OSBP2: variants seen among roughly 807,000 people sequenced by gnomAD.
The protein encoded by OSBP2 is oxysterol-binding protein 2.
OSBP2 carries 66 observed loss-of-function variants against 96.0 expected under a neutral mutation model. The observed-to-expected ratio is 0.69, with a 90% CI of 0.56 to 0.84. The LOEUF (loss-of-function observed/expected upper bound fraction) is 0.84, where lower values mean the gene tolerates loss of function less well. Among genes scored for constraint, OSBP2 ranks in the 40% least tolerant of loss-of-function variants. The probability of loss-of-function intolerance (pLI) is 0.00; values close to 1 mark genes in which losing one functional copy is unlikely to be tolerated. For synonymous variants in OSBP2, 525 were observed against 520.9 expected (o/e 1.01, Z -0.11); for missense variants, 1,038 against 1,222.7 (o/e 0.85, Z 2.25).
chr22:30,765,337 G>C (rs533999901), intron 2 of OSBP2, among the ~76,000 whole-genome samples: 17 of 152,236 alleles, frequency 1.1e-4, no homozygotes, highest in Non-Finnish European at 2.4e-4. Flanking sequence ...AGCCTCCCCA[G>C]TAGCTGGGAT....
chr22:30,822,425 C>T, intron 2 of OSBP2: 3 of 1,009,648 alleles, frequency 3.0e-6, no homozygotes, highest in Non-Finnish European at 2.6e-6. Flanking sequence ...AGGCTGGGCT[C>T]GGCTCCCGCG....
intron 2 of OSBP2, among the ~76,000 whole-genome samples, chr22:30,771,257 A>C (rs1174594270): frequency 6.6e-6 from 1 of 152,212 alleles, no homozygotes; most frequent in Non-Finnish European, 1.5e-5. Context: ...TGGTGGGCTC[A>C]GACCCTCCTC....
At chr22:30,701,881 G>C (rs534035721) in intron 1 of OSBP2, among the ~76,000 whole-genome samples, 1 of 152,310 alleles carries the variant, frequency 6.6e-6, no homozygotes, top group Non-Finnish European at 1.5e-5. Context: ...TTGATCATGT[G>C]TAAGCATTTG....
In OSBP2 at chr22:30,889,231, C is replaced by T; in HGVS notation, c.1473C>T (p.Asp491=). 3 of 1,612,360 alleles carry T rather than the reference C, an allele frequency of 1.9e-6. No individual in the cohort carries two copies. Among genetic ancestry groups the T allele is most frequent in the Non-Finnish European group, 2.5e-6 (3 of 1,179,592 alleles). The part of the protein sequence containing the change: ...GTSSVDWSSA[D]NVLDGASLVP... ...GTTCCGTGGACTGGAGCTCAGCAGA[C>T]AATGTAAGTGAGGGGGAGCACTGTA... The change falls in exon 6 of 14, where the codon GAC becomes GAT. Residue 491 remains aspartate, a synonymous_variant. Coordinates refer to ENST00000332585, the MANE Select transcript of OSBP2 (RefSeq NM_030758.4).
At chr22:30,858,493 G>T (rs1475937400) in intron 2 of OSBP2, among the ~76,000 whole-genome samples, 1 of 151,924 alleles carries the variant, frequency 6.6e-6, no homozygotes, top group Non-Finnish European at 1.5e-5. Context: ...AGGGGCAGCA[G>T]AAAGAAAAAC....
chr22:30,779,929 CA>C (rs2090493268), intron 2 of OSBP2, among the ~76,000 whole-genome samples: 1 of 152,218 alleles, frequency 6.6e-6, no homozygotes, highest in Admixed American at 6.5e-5. Context: ...TCTCTCCCCA[CA>C]GCTTGTCTTC....
intron 2 of OSBP2, among the ~76,000 whole-genome samples, chr22:30,825,291 C>T (rs1019751970): frequency 6.6e-6 from 1 of 152,126 alleles, no homozygotes; most frequent in Non-Finnish European, 1.5e-5. Flanking sequence ...AGTTCGAGAC[C>T]AGCCTGGCCA....
At chr22:30,889,020 ATGT>A (rs1026548421) in intron 5 of OSBP2, among the ~76,000 whole-genome samples, 154 bp from the exon 6 acceptor site, 5 of 152,192 alleles carry the variant, frequency 3.3e-5, no homozygotes, top group South Asian at 2.1e-4. Flanking sequence ...CACCCTTGAA[ATGT>A]TGTTATTGCG....
In OSBP2 at chr22:30,870,573, C is replaced by G. The variant is rs1256073935; in HGVS notation, c.998C>G (p.Ser333Cys). The change falls in exon 3 of 14, where the codon TCC becomes TGC. Residue 333 changes from serine to cysteine, a missense_variant. Around this residue, in one of 3 missense-constraint regions of OSBP2, gnomAD observed 737 missense variants for 913.3 expected, o/e 0.81. Coordinates refer to ENST00000332585, the MANE Select transcript of OSBP2 (RefSeq NM_030758.4). This position sits in a 1 kb window ranked among gnomAD's most constrained non-coding sequence, Gnocchi z 4.1. ...AAGCACGGCGCTGCACTCCAGCGCTCCCTGACAGAGCTGGACGGCCTCAAG... is the reference window on the plus strand; with the variant it reads ...AAGCACGGCGCTGCACTCCAGCGCTGCCTGACAGAGCTGGACGGCCTCAAG... ...IAKHGAALQRSLTELDGLKIP... is the reference protein window; with the variant it reads ...IAKHGAALQRCLTELDGLKIP... The G allele has an allele frequency of 1.9e-6, 3 of 1,613,880 alleles. No homozygotes were observed. In the Admixed American group the frequency reaches 5.0e-5, roughly 27 times the overall value.
At chr22:30,902,190 C>T (rs1253547147) in intron 12 of OSBP2, 20 of 1,040,982 alleles carry the variant, frequency 1.9e-5, no homozygotes, top group African/African-American at 6.5e-5. Context: ...CCATGGTTCC[C>T]GTAGCCAGAA....
intron 3 of OSBP2, among the ~76,000 whole-genome samples, chr22:30,886,024 C>T (rs2039801992): frequency 6.6e-6 from 1 of 152,258 alleles, no homozygotes; most frequent in Non-Finnish European, 1.5e-5. Context: ...GGGCCTTCTT[C>T]ACTGCAGGTG....
At chr22:30,828,605 C>T (rs2038454749) in intron 2 of OSBP2, among the ~76,000 whole-genome samples, 1 of 152,174 alleles carries the variant, frequency 6.6e-6, no homozygotes, top group Non-Finnish European at 1.5e-5. Context: ...CAGCAGAGGG[C>T]CCGACGTGGG....
chr22:30,766,145 C>T (rs763892758), intron 2 of OSBP2, among the ~76,000 whole-genome samples: 5 of 152,190 alleles, frequency 3.3e-5, no homozygotes, highest in East Asian at 1.9e-4. Context: ...TGAGGTGGGG[C>T]GATCACTTGA....
chr22:30,893,780 G>A (rs1356263812), intron 11 of OSBP2, 37 bp from the exon 12 acceptor site: 7 of 1,609,832 alleles, frequency 4.3e-6, no homozygotes, highest in Middle Eastern at 1.6e-4. Flanking sequence ...GCCCAGGGCA[G>A]AGTCTGCACC....
chr22:30,785,767 T>G (rs972180075), intron 2 of OSBP2, among the ~76,000 whole-genome samples: 5 of 152,046 alleles, frequency 3.3e-5, no homozygotes, highest in Non-Finnish European at 4.4e-5. Context: ...GCTGTTCCAG[T>G]GATAGTGAAT....
At chr22:30,809,879 C>G in intron 2 of OSBP2, among the ~76,000 whole-genome samples, 1 of 152,098 alleles carries the variant, frequency 6.6e-6, no homozygotes, top group East Asian at 1.9e-4. Context: ...TATAGGGACA[C>G]AAGGAGAAGG....
chr22:30,780,770 T>C (rs1248409064), intron 2 of OSBP2, among the ~76,000 whole-genome samples: 1 of 152,168 alleles, frequency 6.6e-6, no homozygotes, highest in African/African-American at 2.4e-5. Flanking sequence ...AGTGTTGGGA[T>C]TACAGGAGTG....
rs2039700780 is a variant in OSBP2 at position 30,881,470 on chromosome 22, C to T, written c.1108-5956C>T. ...AATGTGCGGGTAGGGGGCTTCAGGTCAGCCCGTCTCTCCTCCTGCTCACAG... is the reference window on the plus strand; with the variant it reads ...AATGTGCGGGTAGGGGGCTTCAGGTTAGCCCGTCTCTCCTCCTGCTCACAG... On this transcript the variant is annotated intron_variant, in intron 3 of 13. Coordinates refer to ENST00000332585, the MANE Select transcript of OSBP2 (RefSeq NM_030758.4). The surrounding 1 kb of genome is among the most constrained non-coding windows in gnomAD (Gnocchi z 4.5). Among the ~76,000 whole-genome samples the T allele has an allele frequency of 6.6e-6, 1 of 152,136 alleles. No individual in the cohort carries two copies. Among genetic ancestry groups the T allele is most frequent in the African/African-American group, 2.4e-5 (1 of 41,418 alleles).
At chr22:30,730,723 T>C (rs1395770753) in intron 1 of OSBP2, among the ~76,000 whole-genome samples, 4 of 13,986 alleles carry the variant, frequency 2.9e-4, no homozygotes, top group East Asian at 2.0e-3. Context: ...CCTGTCTCTC[T>C]CTCTCTCTCT....
Sources: allele counts gnomAD v4.1 joint callset (sites outside exome capture counted in the v4.1 genomes callset), GRCh38; gene constraint gnomAD v4.1.1; regional missense constraint gnomAD v4.1.1; non-coding constraint Gnocchi (gnomAD v3.1); transcripts MANE v1.5; gene names NCBI Gene and HGNC (gene_info 2026-07-23, HGNC 2026-07-21).